BMPR2: variants seen among roughly 807,000 people sequenced by gnomAD.
The protein encoded by BMPR2 is bone morphogenetic protein receptor type-2.
Under a neutral mutation model 100.8 loss-of-function variants are expected in BMPR2, and 29 were observed. That is an observed-to-expected ratio of 0.29 (90% CI 0.21 to 0.39). The LOEUF (loss-of-function observed/expected upper bound fraction) is 0.39, where lower values mean the gene tolerates loss of function less well. BMPR2 is among the 10% of genes least tolerant of loss of function. The probability of loss-of-function intolerance (pLI) is 1.00; values close to 1 mark genes in which losing one functional copy is unlikely to be tolerated. For synonymous variants in BMPR2, 382 were observed against 442.3 expected, an observed-to-expected ratio of 0.86 and a Z score of 1.71; for missense variants, 1,011 against 1,274.5, an observed-to-expected ratio of 0.79 and a Z score of 3.15.
chr2:202,418,320 A>G (rs1421022331), intron 1 of BMPR2, among the ~76,000 whole-genome samples: 1 of 152,176 alleles, frequency 6.6e-6, no homozygotes, highest in Non-Finnish European at 1.5e-5. Context: ...CAGATTAAAA[A>G]TCTCTTTTTA....
At position 202,563,879 on chromosome 2, in the gene BMPR2, G is replaced by A. The variant is rs569148235; in HGVS notation, c.*3933G>A. On this transcript the variant is annotated 3_prime_UTR_variant, in exon 13 of 13. Coordinates refer to ENST00000374580, the MANE Select transcript of BMPR2 (RefSeq NM_001204.7). ...AACTAATTGAGTAGGATATAGGAAGGATACAAGGATATAATGTCCTTTTTA... is the reference window on the plus strand; with the variant it reads ...AACTAATTGAGTAGGATATAGGAAGAATACAAGGATATAATGTCCTTTTTA... 6.6e-6 allele frequency: 1 copy of A among 152,150 alleles called. No homozygotes were observed. Among genetic ancestry groups the A allele is most frequent in the Non-Finnish European group, 1.5e-5 (1 of 68,024 alleles). The allele number at this position is 152,150 out of a possible 1,614,324, so 9.4% of individuals were successfully genotyped here.
intron 1 of BMPR2, among the ~76,000 whole-genome samples, chr2:202,450,461 G>T (rs983691155): frequency 3.5e-4 from 54 of 152,150 alleles, no homozygotes; most frequent in African/African-American, 1.2e-3. Context: ...GGAGGCCGAG[G>T]CAGGTGGATC....
chr2:202,538,411 G>A (rs2106027362), intron 9 of BMPR2, among the ~76,000 whole-genome samples: 1 of 152,050 alleles, frequency 6.6e-6, no homozygotes, highest in East Asian at 1.9e-4. Flanking sequence ...AGCCGAGATT[G>A]CCTCCATTGC....
intron 1 of BMPR2, among the ~76,000 whole-genome samples, chr2:202,381,013 C>A (rs1355251461): frequency 8.6e-6 from 1 of 116,802 alleles, no homozygotes; most frequent in African/African-American, 3.4e-5. Flanking sequence ...CTGGCTCGGT[C>A]ACCCAGACTG....
At chr2:202,444,882 G>A (rs1057116350) in intron 1 of BMPR2, among the ~76,000 whole-genome samples, 6 of 150,742 alleles carry the variant, frequency 4.0e-5, no homozygotes, top group Admixed American at 2.0e-4. Flanking sequence ...TCCGCCTCCC[G>A]GGTTCAAGCA....
chr2:202,410,796 G>T (rs1690998397), intron 1 of BMPR2, among the ~76,000 whole-genome samples: 1 of 152,006 alleles, frequency 6.6e-6, no homozygotes, highest in Non-Finnish European at 1.5e-5. Flanking sequence ...AGCCAGGATG[G>T]TCTCAATCTC....
At chr2:202,398,680 A>T (rs536237442) in intron 1 of BMPR2, among the ~76,000 whole-genome samples, 18 of 152,288 alleles carry the variant, frequency 1.2e-4, no homozygotes, top group African/African-American at 3.9e-4. Flanking sequence ...CTATAAGGAG[A>T]TATTGAGCAA....
In BMPR2 at chr2:202,456,063, C is replaced by CAAAAAAA. The variant is rs750470872; in HGVS notation, c.77-8713_77-8707dup. ...CTGGGCAACAGGGTGAGACCCGTCT[C>CAAAAAAA]AAAAAAAAAAAAAAAAAAAAAAAAA... is the stretch of plus-strand genomic sequence containing the variant. On this transcript the variant is annotated intron_variant, in intron 1 of 12. Coordinates refer to ENST00000374580, the MANE Select transcript of BMPR2 (RefSeq NM_001204.7). Among the ~76,000 whole-genome samples, 3 of 36,764 alleles carry CAAAAAAA rather than the reference C, an allele frequency of 8.2e-5. 1 individual carries two copies. Among genetic ancestry groups the CAAAAAAA allele is most frequent in the Non-Finnish European group, 1.4e-4 (3 of 20,884 alleles). The allele number at this position is 36,764 out of a possible 152,430, so 24.1% of individuals were successfully genotyped here.
At chr2:202,402,684 T>C (rs923385707) in intron 1 of BMPR2, among the ~76,000 whole-genome samples, 2 of 151,700 alleles carry the variant, frequency 1.3e-5, no homozygotes, top group African/African-American at 4.8e-5. Context: ...GTATTTTTTT[T>C]GAGACAGAGT....
In BMPR2 at chr2:202,552,611, T is replaced by C; in HGVS notation, c.1414-105T>C. 3 of 1,159,400 alleles carry C rather than the reference T, an allele frequency of 2.6e-6. No homozygotes were observed. The South Asian group carries it at 3.9e-5, about 15-fold the overall frequency. The allele number at this position is 1,159,400 out of a possible 1,614,324, so 71.8% of individuals were successfully genotyped here. Reference sequence around the variant, plus strand: ...ATGTTATTAGAGCTATGTAAAATACTGGTTAAGGTAATTGATTTTTCTTTT... The same window carrying C: ...ATGTTATTAGAGCTATGTAAAATACCGGTTAAGGTAATTGATTTTTCTTTT... On this transcript the variant is annotated intron_variant, in intron 10 of 12. Transcript: ENST00000374580.
intron 1 of BMPR2, among the ~76,000 whole-genome samples, chr2:202,381,646 T>G (rs1690295581): frequency 6.6e-6 from 1 of 152,204 alleles, no homozygotes; most frequent in South Asian, 2.1e-4. Flanking sequence ...ATTGAAATTC[T>G]CAGTAGACCA....
At chr2:202,508,838 A>T (rs1245679143) in intron 3 of BMPR2, among the ~76,000 whole-genome samples, 1 of 152,212 alleles carries the variant, frequency 6.6e-6, no homozygotes, top group East Asian at 1.9e-4. Flanking sequence ...TAAAATTTTC[A>T]GTGTCGTGTT....
At chr2:202,463,886 A>G (rs1261796621) in intron 1 of BMPR2, among the ~76,000 whole-genome samples, 4 of 152,126 alleles carry the variant, frequency 2.6e-5, no homozygotes, top group Non-Finnish European at 5.9e-5. Flanking sequence ...TTGGTCGTGC[A>G]TGGTGGCTCA....
chr2:202,405,947 T>C (rs1690882503), intron 1 of BMPR2, among the ~76,000 whole-genome samples: 1 of 152,206 alleles, frequency 6.6e-6, no homozygotes, highest in African/African-American at 2.4e-5. Context: ...AAACTGAAAT[T>C]ATACAGTCAT....
intron 3 of BMPR2, among the ~76,000 whole-genome samples, chr2:202,499,636 A>G (rs946873330): frequency 6.6e-6 from 1 of 152,232 alleles, no homozygotes; most frequent in Non-Finnish European, 1.5e-5. Flanking sequence ...TGTCACCTGA[A>G]TCACTTGAGA....
intron 3 of BMPR2, among the ~76,000 whole-genome samples, chr2:202,484,425 A>T (rs1692729438): frequency 6.7e-6 from 1 of 150,310 alleles, no homozygotes; most frequent in Admixed American, 6.6e-5. Flanking sequence ...CTGTAATCCC[A>T]GCACTTTGGG....
intron 10 of BMPR2, among the ~76,000 whole-genome samples, chr2:202,549,983 A>G (rs1408710916): frequency 6.6e-6 from 1 of 152,070 alleles, no homozygotes; most frequent in Non-Finnish European, 1.5e-5. Context: ...ATAGCTCGCT[A>G]CAGCCTTGAC....
At chr2:202,517,014 A>AT (rs1687723823) in intron 5 of BMPR2, among the ~76,000 whole-genome samples, 1 of 152,030 alleles carries the variant, frequency 6.6e-6, no homozygotes, top group African/African-American at 2.4e-5. Flanking sequence ...GTGTTGAGTA[A>AT]TTTTTTTGTA....
intron 3 of BMPR2, among the ~76,000 whole-genome samples, chr2:202,508,112 T>C (rs1687561274): frequency 6.9e-6 from 1 of 145,226 alleles, no homozygotes; most frequent in Non-Finnish European, 1.5e-5. Context: ...ATTATTATTA[T>C]TTTTGAGTCT....
Sources: allele counts gnomAD v4.1 joint callset (sites outside exome capture counted in the v4.1 genomes callset), GRCh38; gene constraint gnomAD v4.1.1; transcripts MANE v1.5; gene names NCBI Gene and HGNC (gene_info 2026-07-23, HGNC 2026-07-21).